PRH1: variants seen among roughly 807,000 people sequenced by gnomAD.
PRH1 encodes the protein proline rich protein HaeIII subfamily 1.
In PRH1, 7 loss-of-function variants were observed where a neutral mutation model predicts 7.9. That is an observed-to-expected ratio of 0.89 (90% CI 0.50 to 1.67). PRH1 has a LOEUF of 1.67. Ranked by LOEUF, PRH1 falls within the 40% of genes most tolerant of loss-of-function variation. The pLI, the probability that PRH1 is intolerant of heterozygous loss-of-function variation, is 0.00. For synonymous variants in PRH1, 45 were observed against 80.8 expected, an observed-to-expected ratio of 0.56 and a Z score of 2.38; for missense variants, 109 against 223.6, an observed-to-expected ratio of 0.49 and a Z score of 3.27.
At chr12:11,031,976 A>G (rs1223041004) in intron 1 of PRH1, among the ~76,000 whole-genome samples, 6 of 152,346 alleles carry the variant, frequency 3.9e-5, no homozygotes, top group Non-Finnish European at 8.8e-5. Context: ...TGTTGTGACC[A>G]GTGTCAAGCC....
intron 1 of PRH1, among the ~76,000 whole-genome samples, chr12:11,014,539 A>G (rs981203596): frequency 6.6e-6 from 1 of 152,152 alleles, no homozygotes; most frequent in African/African-American, 2.4e-5. Context: ...TTATAAACCA[A>G]GAGCAAGCCT....
chr12:11,013,873 T>C (rs1226339717), intron 1 of PRH1, among the ~76,000 whole-genome samples: 1 of 152,114 alleles, frequency 6.6e-6, no homozygotes, highest in Admixed American at 6.5e-5. Context: ...GGACTACAGG[T>C]GGACACCACT....
rs529240797 is a variant in PRH1, at chr12:11,087,672, G to A, written n.124-40484C>T. On this transcript the variant is annotated intron_variant and non_coding_transcript_variant, in intron 1 of 4. Coordinates refer to the PRH1 transcript ENST00000541977. The stretch of plus-strand genomic sequence containing the variant: ...TCCCTAAGGAATGGAACTGGTCACT[G>A]CCATGACAAAACACTTGCAAGTTAC... 6.3e-4 allele frequency among the ~76,000 whole-genome samples: 74 copies of A among 117,264 alleles called. 22 individuals carry two copies. The highest frequency in any genetic ancestry group is 2.1e-3 in the African/African-American group (72 of 35,094). The allele number at this position is 117,264 out of a possible 152,430, so 76.9% of individuals were successfully genotyped here. A position where few individuals can be genotyped will look rare whatever the true frequency, so the allele number is the denominator to read the frequency against.
chr12:10,921,526 A>G (rs1156648819), intron 2 of PRH1, among the ~76,000 whole-genome samples: 3 of 152,104 alleles, frequency 2.0e-5, no homozygotes, highest in East Asian at 3.8e-4. Flanking sequence ...TGCTTCTCGT[A>G]TTTCTTGATC....
chr12:10,995,732 T>C (rs567416496), intron 1 of PRH1, among the ~76,000 whole-genome samples: 1 of 152,174 alleles, frequency 6.6e-6, no homozygotes, highest in South Asian at 2.1e-4. Flanking sequence ...AAAACTGAAA[T>C]ATATAACATC....
chr12:11,022,727 A>G (rs1265032411), intron 1 of PRH1: 5 of 601,484 alleles, frequency 8.3e-6, no homozygotes, highest in Non-Finnish European at 1.5e-5. Flanking sequence ...GCACCAGCAT[A>G]TGCTAATAGA....
intron 2 of PRH1, among the ~76,000 whole-genome samples, chr12:10,968,577 A>C (rs1378096745): frequency 1.3e-5 from 2 of 152,208 alleles, no homozygotes; most frequent in African/African-American, 4.8e-5. Context: ...TCTCAGCATC[A>C]GGGCTTAGAC....
At chr12:11,032,275 T>C (rs536257307) in intron 1 of PRH1, among the ~76,000 whole-genome samples, 1 of 152,328 alleles carries the variant, frequency 6.6e-6, no homozygotes, top group East Asian at 1.9e-4. Context: ...ATATATCATA[T>C]AGTAAATATC....
chr12:11,168,272 GAA>G (rs1451505188), intron 1 of PRH1, among the ~76,000 whole-genome samples: 12 of 31,930 alleles, frequency 3.8e-4, no homozygotes, highest in Admixed American at 1.5e-3. Flanking sequence ...AAGAAAGAAA[GAA>G]AGAAAGAAAG....
chr12:10,999,139 T>C lies in PRH1; in HGVS notation c.-125-25418A>G, dbSNP rs1000946678. On this transcript the variant is annotated intron_variant, in intron 1 of 3. Transcript: ENST00000539853. Reference sequence around the variant, plus strand: ...TCCAAAAACATGTGAGATATAAATATCTAATGTGGTTTTGGAGAAGTTTCT... The same window carrying C: ...TCCAAAAACATGTGAGATATAAATACCTAATGTGGTTTTGGAGAAGTTTCT... 3.3e-5 allele frequency among the ~76,000 whole-genome samples: 5 copies of C among 152,018 alleles called. No individual in the cohort carries two copies. In the East Asian group the frequency reaches 9.6e-4, roughly 29 times the overall value.
chr12:10,908,641 T>C (rs1400846862), intron 2 of PRH1: 3 of 1,613,922 alleles, frequency 1.9e-6, no homozygotes, highest in African/African-American at 2.7e-5. Context: ...CTGGGGTCTC[T>C]GTGTCCTTTG....
At chr12:10,964,939 T>A (rs1433343590) in intron 2 of PRH1, 1 of 610,424 alleles carries the variant, frequency 1.6e-6, no homozygotes, top group African/African-American at 1.9e-5. Flanking sequence ...AAACCAAAAA[T>A]AACAAAGACC....
intron 2 of PRH1, among the ~76,000 whole-genome samples, chr12:10,971,982 T>C (rs1330467890): frequency 1.3e-5 from 2 of 152,188 alleles, no homozygotes. Context: ...TCTCATTTGA[T>C]ATCAGCAAAT....
intron 2 of PRH1, among the ~76,000 whole-genome samples, chr12:10,948,824 G>T (rs1193824717): frequency 1.3e-5 from 2 of 152,174 alleles, no homozygotes; most frequent in Admixed American, 6.5e-5. Flanking sequence ...GAGCCTTTGT[G>T]TAGGGTATTT....
Position 10,915,610 on chromosome 12 carries a change from C to T in PRH1, c.-58-31335G>A, listed in dbSNP as rs1306623562. ...CCTAGGCAGACAAAGCCAGTTAGGT[C>T]TCATATGACCTTAAAACTGATTGAT... On this transcript the variant is annotated intron_variant, in intron 2 of 3. Coordinates refer to the PRH1 transcript ENST00000539853. Among the ~76,000 whole-genome samples, 2 of 53,214 alleles carry T rather than the reference C, an allele frequency of 3.8e-5. 1 individual carries two copies. The highest frequency in any genetic ancestry group is 7.2e-5 in the African/African-American group (2 of 27,792). 34.9% of individuals were successfully genotyped at this position (53,214 alleles called of 152,430 possible).
rs145452677 is a variant in PRH1 at position 11,066,695 on chromosome 12, T to C, written n.124-19507A>G. On this transcript the variant is annotated intron_variant and non_coding_transcript_variant, in intron 1 of 4. Coordinates refer to the PRH1 transcript ENST00000541977. Reference sequence around the variant, plus strand: ...AGGTAAAAGGGAGAATGCTATTTGATAAATGTGATTTCCATCTTGTTTTTT... The same window carrying C: ...AGGTAAAAGGGAGAATGCTATTTGACAAATGTGATTTCCATCTTGTTTTTT... Among the ~76,000 whole-genome samples, 53 of 151,504 alleles carry C rather than the reference T, an allele frequency of 3.5e-4. No homozygotes were observed. In the East Asian group the frequency reaches 7.9e-3, roughly 23 times the overall value.
rs558259237 is a variant in PRH1 at position 10,942,625 on chromosome 12, G to T, written c.-59+31030C>A. ...AAGCAGGGCTGAGAACTTGCCACAG[G>T]CTACCCACCTCCTAGCTGTGAAAGA... On this transcript the variant is annotated intron_variant, in intron 2 of 3. Coordinates refer to the PRH1 transcript ENST00000539853. Among the ~76,000 whole-genome samples the T allele has an allele frequency of 1.6e-4, 25 of 152,230 alleles. No homozygotes were observed. The East Asian group carries it at 4.6e-3, about 28-fold the overall frequency.
chr12:10,884,087 C>G, intron 1 of PRH1, 67 bp downstream of exon 1: 3 of 1,593,220 alleles, frequency 1.9e-6, no homozygotes, highest in Non-Finnish European at 1.7e-6. Flanking sequence ...CCTCCACTTT[C>G]CTCCTCTATA....
At chr12:11,059,072 C>G (rs1440287664) in intron 1 of PRH1, among the ~76,000 whole-genome samples, 1 of 152,222 alleles carries the variant, frequency 6.6e-6, no homozygotes, top group East Asian at 1.9e-4. Flanking sequence ...GAAGGCAGAA[C>G]AGCAGAGATG....
Sources: gnomAD v4.1 joint callset for allele counts (sites outside exome capture counted in the v4.1 genomes callset) on GRCh38, gnomAD v4.1.1 for gene constraint, MANE v1.5 for transcripts, NCBI Gene and HGNC (gene_info 2026-07-23, HGNC 2026-07-21) for gene names.